The following IPPK variants were observed in gnomAD, a reference collection of about 807,000 sequenced individuals.
IPPK encodes inositol-pentakisphosphate 2-kinase, also known as IPK1 homolog.
IPPK carries 22 observed loss-of-function variants against 64.6 expected under a neutral mutation model. That is an observed-to-expected ratio of 0.34 (90% CI 0.24 to 0.49). The LOEUF is 0.49. Ranked by LOEUF, IPPK falls within the 20% of genes least tolerant of loss-of-function variation. The pLI, the probability that IPPK is intolerant of heterozygous loss-of-function variation, is 0.99. For missense variants in IPPK, 532 were observed against 630.7 expected (o/e 0.84, Z 1.68); for synonymous variants, 262 against 247.2 (o/e 1.06, Z -0.56).
Position 92,652,591 on chromosome 9 carries a change from T to C in IPPK, c.274A>G (p.Ile92Val). 6.4e-7 allele frequency: 1 copy of C among 1,565,764 alleles called. No homozygotes were observed. Among genetic ancestry groups the C allele is most frequent in the Non-Finnish European group, 8.7e-7 (1 of 1,145,068 alleles). Reference protein sequence around the residue: ...LEFVKQLCLKIQSERPESRCD... With the variant: ...LEFVKQLCLKVQSERPESRCD... ...CCCTTACCTGGTCTTTCAGATTGTA[T>C]CTTTAAACAAAGCTGTTTCACAAAC... The change falls in exon 4 of 13, where the codon ATA becomes GTA. Residue 92 changes from isoleucine (I) to valine (V), a missense_variant. Physicochemically the swap from Ile to Val is conservative, Grantham distance 29. Transcript: ENST00000287996.
intron 12 of IPPK, 27 bp from the exon 13 acceptor site, chr9:92,616,084 A>G (rs1056499445): frequency 2.0e-6 from 3 of 1,506,098 alleles, no homozygotes; most frequent in African/African-American, 2.7e-5. Flanking sequence ...CCATTTCAGG[A>G]TACACAAGCC....
intron 3 of IPPK, among the ~76,000 whole-genome samples, chr9:92,653,810 C>T (rs1031503178): frequency 6.6e-6 from 1 of 152,202 alleles, no homozygotes; most frequent in African/African-American, 2.4e-5. Flanking sequence ...GATCACGCCA[C>T]TCCAGCCTGG....
rs117109492 is a variant in IPPK, at chr9:92,648,507, T to C, written c.415-359A>G. Among the ~76,000 whole-genome samples, 20 of 152,304 alleles carry C rather than the reference T, an allele frequency of 1.3e-4. No homozygotes were observed. The East Asian group carries it at 3.1e-3, about 24-fold the overall frequency. ...CTCCCAGCTCCAAGAATCGGAACCA[T>C]TGTTCCCACTGACACTAGCACATGG... On this transcript the variant is annotated intron_variant, in intron 5 of 12. Transcript: ENST00000287996.
At chr9:92,641,962 C>G (rs1313627837) in intron 7 of IPPK, among the ~76,000 whole-genome samples, 2 of 152,238 alleles carry the variant, frequency 1.3e-5, no homozygotes, top group African/African-American at 4.8e-5. Context: ...CAAAGGCACA[C>G]AAATCTACAT....
chr9:92,642,500 A>C (rs1486059352), intron 7 of IPPK, among the ~76,000 whole-genome samples: 1 of 152,262 alleles, frequency 6.6e-6, no homozygotes, highest in African/African-American at 2.4e-5. Flanking sequence ...GTAGAAGACA[A>C]ATCTAGTCAC....
At chr9:92,618,520 TC>T in intron 12 of IPPK, 1 of 456,710 alleles carries the variant, frequency 2.2e-6, no homozygotes, top group East Asian at 6.9e-5. Flanking sequence ...CCCAGCTGCA[TC>T]CTTGGTCGGG....
chr9:92,638,408 TG>T (rs1162866906), intron 8 of IPPK, 128 bp from the exon 9 acceptor site: 5 of 1,038,470 alleles, frequency 4.8e-6, no homozygotes, highest in East Asian at 2.5e-5. Flanking sequence ...CCACCCAATC[TG>T]GGGCCGCTGC....
intron 6 of IPPK, 81 bp downstream of exon 6, chr9:92,647,978 T>C: frequency 1.2e-6 from 1 of 844,094 alleles, no homozygotes; most frequent in Non-Finnish European, 1.9e-6. Context: ...TTTACTCTTC[T>C]GAAAACTGTG....
chr9:92,644,373 C>T (rs1389460640), intron 6 of IPPK, among the ~76,000 whole-genome samples: 1 of 152,150 alleles, frequency 6.6e-6, no homozygotes, highest in Non-Finnish European at 1.5e-5. Context: ...AATGAACAGC[C>T]GCAATCACAG....
chr9:92,662,977 A>G (rs1346026717), intron 1 of IPPK, among the ~76,000 whole-genome samples: 11 of 152,244 alleles, frequency 7.2e-5, no homozygotes, highest in Admixed American at 7.2e-4. Flanking sequence ...AGTGTGTACG[A>G]AGACTTTCGG....
At chr9:92,664,698 G>A (rs1279920628) in intron 1 of IPPK, among the ~76,000 whole-genome samples, 1 of 152,246 alleles carries the variant, frequency 6.6e-6, no homozygotes, top group Non-Finnish European at 1.5e-5. Flanking sequence ...GGAACTGTGA[G>A]CAAGTCCGGG....
At chr9:92,642,716 C>G (rs1313050383) in intron 7 of IPPK, 36 bp downstream of exon 7, 2 of 1,601,518 alleles carry the variant, frequency 1.2e-6, no homozygotes. Flanking sequence ...TCCAGGGAAC[C>G]TGACACAAGG....
chr9:92,644,047 C>T (rs1319227645), intron 6 of IPPK, among the ~76,000 whole-genome samples: 6 of 152,126 alleles, frequency 3.9e-5, no homozygotes, highest in South Asian at 2.1e-4. Context: ...GGGCATGGCT[C>T]ACATAACCGT....
chr9:92,626,542 G>C (rs796631343), intron 11 of IPPK, among the ~76,000 whole-genome samples: 9 of 152,290 alleles, frequency 5.9e-5, no homozygotes, highest in African/African-American at 2.2e-4. Context: ...ACAAAGATAT[G>C]AAAAATATGA....
chr9:92,655,356 G>A (rs1190227988), intron 3 of IPPK, among the ~76,000 whole-genome samples: 4 of 152,142 alleles, frequency 2.6e-5, no homozygotes, highest in African/African-American at 7.2e-5. Flanking sequence ...ACTGGGACAC[G>A]CTCACCTGCA....
chr9:92,663,692 G>A (rs1011641232), intron 1 of IPPK, among the ~76,000 whole-genome samples: 5 of 152,214 alleles, frequency 3.3e-5, no homozygotes, highest in Non-Finnish European at 7.3e-5. Flanking sequence ...TGGAATTAAA[G>A]CTACTAACTA....
At chr9:92,657,807 G>A (rs1420665085) in intron 2 of IPPK, among the ~76,000 whole-genome samples, 4 of 151,888 alleles carry the variant, frequency 2.6e-5, no homozygotes, top group African/African-American at 4.8e-5. Flanking sequence ...GTGCCCACGC[G>A]GCAGCTGTCA....
chr9:92,622,677 T>C (rs1851664704), intron 11 of IPPK, among the ~76,000 whole-genome samples: 1 of 152,144 alleles, frequency 6.6e-6, no homozygotes, highest in Non-Finnish European at 1.5e-5. Flanking sequence ...TCAACACTCA[T>C]CATTTTAACG....
In IPPK at chr9:92,635,506, C is replaced by T. The variant is rs992317042; in HGVS notation, c.917-198G>A. 2.4e-4 allele frequency among the ~76,000 whole-genome samples: 37 copies of T among 152,196 alleles called. No individual in the cohort carries two copies. The highest frequency in any genetic ancestry group is 8.4e-4 in the African/African-American group (35 of 41,442). ...CCTCACAGAGCTGCTGGAGCTGCAGCGTGCCTGGACCACACTGGATGCACC... is the reference window on the plus strand; with the variant it reads ...CCTCACAGAGCTGCTGGAGCTGCAGTGTGCCTGGACCACACTGGATGCACC... On this transcript the variant is annotated intron_variant, in intron 9 of 12. Coordinates refer to ENST00000287996, the MANE Select transcript of IPPK (RefSeq NM_022755.6). The surrounding 1 kb of genome is among the most constrained non-coding windows in gnomAD (Gnocchi z 4.4).
Sources: allele counts gnomAD v4.1 joint callset (sites outside exome capture counted in the v4.1 genomes callset), GRCh38; gene constraint gnomAD v4.1.1; non-coding constraint Gnocchi (gnomAD v3.1); transcripts MANE v1.5; gene names NCBI Gene and HGNC (gene_info 2026-07-23, HGNC 2026-07-21).